Variants in RBP3 observed in about 807,000 individuals in gnomAD.
The protein encoded by RBP3 is retinol-binding protein 3.
RBP3 carries 50 observed loss-of-function variants against 64.8 expected under a neutral mutation model. That is an observed-to-expected ratio of 0.77 (90% CI 0.61 to 0.98). RBP3 has a LOEUF of 0.98. Ranked by LOEUF, RBP3 falls within the 50% of genes least tolerant of loss-of-function variation. The pLI is 0.00. For synonymous variants in RBP3, 828 were observed against 730.2 expected (o/e 1.13, Z -2.16); for missense variants, 1,712 against 1,660.5 (o/e 1.03, Z -0.54).
Position 47,349,480 on chromosome 10 carries a change from C to T in RBP3, c.996C>T (p.Cys332=). 2 of 1,612,872 alleles carry T rather than the reference C, an allele frequency of 1.2e-6. No individual in the cohort carries two copies. The highest frequency in any genetic ancestry group is 1.1e-5 in the South Asian group (1 of 91,084). The change falls in exon 1 of 4, where the codon TGC becomes TGT. Residue 332 remains cysteine (C), a synonymous_variant. Coordinates refer to ENST00000584701, the MANE Select transcript of RBP3 (RefSeq NM_002900.3). Reference sequence around the variant, plus strand: ...GCGCCCTTCCAGGGGTAGTCCACTGCCTCCAGGAGGTCCTGAAGGACTACT... The same window carrying T: ...GCGCCCTTCCAGGGGTAGTCCACTGTCTCCAGGAGGTCCTGAAGGACTACT... The part of the protein sequence containing the change: ...LRSALPGVVH[C]LQEVLKDYYT...
chr10:47,349,031 A>G lies in RBP3; in HGVS notation c.547A>G (p.Ile183Val). The change falls in exon 1 of 4, where the codon ATC (isoleucine) becomes GTC (valine). Residue 183 changes from isoleucine (I) to valine (V), a missense_variant. Physicochemically the swap from Ile to Val is conservative, Grantham distance 29 (BLOSUM62 3). Transcript: ENST00000584701. Reference protein sequence around the residue: ...TGGQVSGIPYIISYLHPGNTI... With the variant: ...TGGQVSGIPYVISYLHPGNTI... ...AGGCCAGGTCTCTGGCATTCCCTAC[A>G]TCATCTCCTACCTGCACCCAGGGAA... The G allele has an allele frequency of 6.2e-7, 1 of 1,613,942 alleles. No homozygotes were observed. The highest frequency in any genetic ancestry group is 2.2e-5 in the East Asian group (1 of 44,862).
Position 47,350,666 on chromosome 10 carries a change from T to C in RBP3, c.2182T>C (p.Tyr728His). Residue 728 changes from tyrosine to histidine, a missense_variant, in exon 1 of 4, where the codon TAC becomes CAC. Physicochemically the swap from Tyr to His is moderately conservative, Grantham distance 83 (BLOSUM62 2). Transcript: ENST00000584701. ...TGTCCCCTCTCCAGAGGAGCTCACCTACCTTATTGAGGCCCTGTTCAAGAC... is the reference window on the plus strand; with the variant it reads ...TGTCCCCTCTCCAGAGGAGCTCACCCACCTTATTGAGGCCCTGTTCAAGAC... ...PAVPSPEELT[Y>H]LIEALFKTEV... The C allele has an allele frequency of 6.2e-7, 1 of 1,612,672 alleles. No individual in the cohort carries two copies. The highest frequency in any genetic ancestry group is 8.5e-7 in the Non-Finnish European group (1 of 1,179,864).
intron 1 of RBP3, among the ~76,000 whole-genome samples, chr10:47,351,964 A>T (rs193120504): frequency 6.6e-6 from 1 of 152,282 alleles, no homozygotes; most frequent in East Asian, 1.9e-4. Flanking sequence ...AACACCTGTC[A>T]GAGGTGGCCA....
At chr10:47,356,931 C>T (rs902537228) in intron 3 of RBP3, among the ~76,000 whole-genome samples, 171 bp from the exon 4 acceptor site, 15 of 152,184 alleles carry the variant, frequency 9.9e-5, no homozygotes, top group Non-Finnish European at 1.9e-4. Flanking sequence ...CCCCATTTTA[C>T]GGATGCAGAA....
chr10:47,350,782 G>A lies in RBP3; in HGVS notation c.2298G>A (p.Arg766=), dbSNP rs984381347. The A allele has an allele frequency of 6.2e-7, 1 of 1,613,026 alleles. No individual in the cohort carries two copies. The highest frequency in any genetic ancestry group is 1.1e-5 in the South Asian group (1 of 91,084). ...TVKAVGPQLV[R]LVWQQLVDTA... ...AGGCCGTGGGGCCACAGCTGGTGCG[G>A]CTGGTATGGCAACAGCTGGTGGACA... Residue 766 remains arginine (R), a synonymous_variant, in exon 1 of 4, where the codon CGG becomes CGA. Coordinates refer to ENST00000584701, the MANE Select transcript of RBP3 (RefSeq NM_002900.3).
In RBP3 at chr10:47,350,660, C is replaced by A; in HGVS notation, c.2176C>A (p.Leu726Ile). 6.2e-7 allele frequency: 1 copy of A among 1,612,946 alleles called. No homozygotes were observed. The highest frequency in any genetic ancestry group is 8.5e-7 in the Non-Finnish European group (1 of 1,180,038). The change falls in exon 1 of 4, where the codon CTC (leucine) becomes ATC (isoleucine). Residue 726 changes from leucine to isoleucine, a missense_variant. Transcript: ENST00000584701. ...CCCTGCTGTCCCCTCTCCAGAGGAG[C>A]TCACCTACCTTATTGAGGCCCTGTT... Reference protein sequence around the residue: ...PPPAVPSPEELTYLIEALFKT... With the variant: ...PPPAVPSPEEITYLIEALFKT...
rs1837001491 is a variant in RBP3, at chr10:47,353,238, C to T, written c.3055-87C>T. Reference sequence around the variant, plus strand: ...AGAAATGTTAGTTCCTGTCCCATGCCCTTAATATTTCCCATGGCGCCTGCT... The same window carrying T: ...AGAAATGTTAGTTCCTGTCCCATGCTCTTAATATTTCCCATGGCGCCTGCT... On this transcript the variant is annotated intron_variant, in intron 1 of 3. Transcript: ENST00000584701. The T allele has an allele frequency of 4.1e-6, 5 of 1,219,180 alleles. No individual in the cohort carries two copies. The Admixed American group carries it at 8.4e-5, about 21-fold the overall frequency. The allele number at this position is 1,219,180 out of a possible 1,614,324, so 75.5% of individuals were successfully genotyped here.
At position 47,351,352 on chromosome 10, in the gene RBP3, G is replaced by T; in HGVS notation, c.2868G>T (p.Glu956Asp). Residue 956 changes from glutamate to aspartate, a missense_variant, in exon 1 of 4, where the codon GAG (glutamate) becomes GAT (aspartate). Coordinates refer to ENST00000584701, the MANE Select transcript of RBP3 (RefSeq NM_002900.3). ...KLVADNYASAELGAKMATKLS... is the reference protein window; with the variant it reads ...KLVADNYASADLGAKMATKLS... Reference sequence around the variant, plus strand: ...TGGCTGATAACTATGCCTCTGCCGAGCTGGGGGCCAAGATGGCCACCAAAC... The same window carrying T: ...TGGCTGATAACTATGCCTCTGCCGATCTGGGGGCCAAGATGGCCACCAAAC... The T allele has an allele frequency of 6.2e-7, 1 of 1,613,556 alleles. No individual in the cohort carries two copies. Among genetic ancestry groups the T allele is most frequent in the Non-Finnish European group, 8.5e-7 (1 of 1,180,036 alleles).
In RBP3 at chr10:47,357,290, C is replaced by T. The variant is rs782759936; in HGVS notation, c.3577C>T (p.Pro1193Ser). ...TGACACCAACCTCTACCTCACTATC[C>T]CCACGGCCCGTTCTGTGGGGGCCTC... ...VDDTNLYLTI[P>S]TARSVGASDG... The change falls in exon 4 of 4, where the codon CCC becomes TCC. Residue 1193 changes from proline (P) to serine (S), a missense_variant. Pro to Ser is a moderately conservative substitution (Grantham distance 74). Coordinates refer to ENST00000584701, the MANE Select transcript of RBP3 (RefSeq NM_002900.3). 3.7e-6 allele frequency: 6 copies of T among 1,614,084 alleles called. No homozygotes were observed. Among genetic ancestry groups the T allele is most frequent in the East Asian group, 2.2e-5 (1 of 44,898 alleles).
rs571341458 is a variant in RBP3 at position 47,355,300 on chromosome 10, C to A, written c.3246-76C>A. On this transcript the variant is annotated intron_variant, in intron 2 of 3. Coordinates refer to ENST00000584701, the MANE Select transcript of RBP3 (RefSeq NM_002900.3). Reference sequence around the variant, plus strand: ...TTAGAACCCTCCATGGGACAAAGATCCTGGCCTCCCCGAGGGGCACACAGG... The same window carrying A: ...TTAGAACCCTCCATGGGACAAAGATACTGGCCTCCCCGAGGGGCACACAGG... The A allele has an allele frequency of 3.1e-6, 5 of 1,593,426 alleles. No individual in the cohort carries two copies. In the African/African-American group the frequency reaches 5.4e-5, roughly 17 times the overall value.
At position 47,348,694 on chromosome 10, in the gene RBP3, G is replaced by A. The variant is rs1555210874; in HGVS notation, c.210G>A (p.Leu70=). ...EILSISDPQT[L]ASVLTAGVQS... is the part of the protein sequence containing the mutation. ...TGAGCATCTCAGACCCGCAGACGCT[G>A]GCCAGTGTGCTGACAGCCGGGGTGC... The change falls in exon 1 of 4, where the codon CTG becomes CTA. Residue 70 remains leucine (L), a synonymous_variant. Coordinates refer to ENST00000584701, the MANE Select transcript of RBP3 (RefSeq NM_002900.3). 1.9e-6 allele frequency: 3 copies of A among 1,613,610 alleles called. No individual in the cohort carries two copies. The highest frequency in any genetic ancestry group is 2.5e-6 in the Non-Finnish European group (3 of 1,180,022).
At position 47,350,187 on chromosome 10, in the gene RBP3, T is replaced by A. The variant is rs1436255831; in HGVS notation, c.1703T>A (p.Ile568Asn). Residue 568 changes from isoleucine to asparagine, a missense_variant, in exon 1 of 4, where the codon ATC becomes AAC. By Grantham distance (149) the Ile-to-Asn change is moderately radical. Transcript: ENST00000584701. ...GGCTGGGCCACACTGGTAGGTGAGA[T>A]CACCGCGGGCAACCTGCTGCACACC... The part of the protein sequence containing the change: ...SLGWATLVGE[I>N]TAGNLLHTRT... The A allele has an allele frequency of 6.2e-7, 1 of 1,611,426 alleles. No individual in the cohort carries two copies. Among genetic ancestry groups the A allele is most frequent in the Non-Finnish European group, 8.5e-7 (1 of 1,179,970 alleles).
chr10:47,350,558 G>T lies in RBP3; in HGVS notation c.2074G>T (p.Glu692Ter), dbSNP rs150902800. The T allele has an allele frequency of 1.1e-5, 17 of 1,612,942 alleles. No homozygotes were observed. The highest frequency in any genetic ancestry group is 1.4e-5 in the Non-Finnish European group (17 of 1,180,020). The change falls in exon 1 of 4, where the codon GAG (glutamate) becomes TAG (stop). Residue 692 changes from glutamate (E) to a stop codon, truncating the protein, a stop_gained. Transcript: ENST00000584701. LOFTEE classifies it high-confidence loss of function. ...LASQLTADLQ[E>*]VSGDHRLLVF... The stretch of plus-strand genomic sequence containing the variant: ...CTCTCAGCTCACAGCAGACCTCCAG[G>T]AGGTGTCTGGGGACCACCGCTTGCT...
At position 47,350,265 on chromosome 10, in the gene RBP3, C is replaced by T. The variant is rs781947747; in HGVS notation, c.1781C>T (p.Pro594Leu). The change falls in exon 1 of 4, where the codon CCG (proline) becomes CTG (leucine). Residue 594 changes from proline to leucine, a missense_variant. Physicochemically the swap from Pro to Leu is moderately conservative, Grantham distance 98. Coordinates refer to ENST00000584701, the MANE Select transcript of RBP3 (RefSeq NM_002900.3). ...GAAGGCAGCCTCGCGCTCACCGTGC[C>T]GGTCCTCACCTTCATCGACAATCAC... ...TPEGSLALTV[P>L]VLTFIDNHGE... is the part of the protein sequence containing the mutation. 12 of 1,607,432 alleles carry T rather than the reference C, an allele frequency of 7.5e-6. No homozygotes were observed. Among genetic ancestry groups the T allele is most frequent in the South Asian group, 2.2e-5 (2 of 91,080 alleles).
intron 1 of RBP3, among the ~76,000 whole-genome samples, chr10:47,352,365 C>A (rs899040439): frequency 1.3e-5 from 2 of 152,172 alleles, no homozygotes; most frequent in Non-Finnish European, 2.9e-5. Flanking sequence ...GGGGCAGGCT[C>A]CCTCTTCTTG....
At position 47,350,935 on chromosome 10, in the gene RBP3, C is replaced by G; in HGVS notation, c.2451C>G (p.Thr817=). The G allele has an allele frequency of 6.2e-7, 1 of 1,613,002 alleles. No homozygotes were observed. Among genetic ancestry groups the G allele is most frequent in the Non-Finnish European group, 8.5e-7 (1 of 1,180,022 alleles). The change falls in exon 1 of 4, where the codon ACC becomes ACG. Residue 817 remains threonine (T), a synonymous_variant. Coordinates refer to ENST00000584701, the MANE Select transcript of RBP3 (RefSeq NM_002900.3). The stretch of plus-strand genomic sequence containing the variant: ...TGTATTCTGTCTTTGACAGGGCCAC[C>G]TCAAAAGTCACGGAGGTGTGGACCT... ...QHLYSVFDRA[T]SKVTEVWTLP...
Position 47,350,933 on chromosome 10 carries a change from A to G in RBP3, c.2449A>G (p.Thr817Ala), listed in dbSNP as rs1452306351. The change falls in exon 1 of 4, where the codon ACC becomes GCC. Residue 817 changes from threonine (T) to alanine (A), a missense_variant. Physicochemically the swap from Thr to Ala is moderately conservative, Grantham distance 58. Coordinates refer to ENST00000584701, the MANE Select transcript of RBP3 (RefSeq NM_002900.3). ...QHLYSVFDRATSKVTEVWTLP... is the reference protein window; with the variant it reads ...QHLYSVFDRAASKVTEVWTLP... Reference sequence around the variant, plus strand: ...CCTGTATTCTGTCTTTGACAGGGCCACCTCAAAAGTCACGGAGGTGTGGAC... The same window carrying G: ...CCTGTATTCTGTCTTTGACAGGGCCGCCTCAAAAGTCACGGAGGTGTGGAC... 1 of 1,612,968 alleles carries G rather than the reference A, an allele frequency of 6.2e-7. No individual in the cohort carries two copies.
intron 2 of RBP3, among the ~76,000 whole-genome samples, chr10:47,354,196 G>A (rs1305552736): frequency 6.6e-6 from 1 of 152,216 alleles, no homozygotes; most frequent in Non-Finnish European, 1.5e-5. Flanking sequence ...TGGACCAGGG[G>A]TAGGAGGTGG....
At chr10:47,352,212 C>T (rs1254278887) in intron 1 of RBP3, among the ~76,000 whole-genome samples, 1 of 152,196 alleles carries the variant, frequency 6.6e-6, no homozygotes, top group South Asian at 2.1e-4. Flanking sequence ...GGGAAGCTGA[C>T]AGGCAGGTGC....
Sources: allele counts gnomAD v4.1 joint callset (sites outside exome capture counted in the v4.1 genomes callset), GRCh38; gene constraint gnomAD v4.1.1; transcripts MANE v1.5; gene names NCBI Gene and HGNC (gene_info 2026-07-23, HGNC 2026-07-21).